The following DNAI2 variants were observed in gnomAD, a reference collection of about 807,000 sequenced individuals.
DNAI2 encodes the protein dynein, axonemal, intermediate polypeptide 2.
Under a neutral mutation model 74.7 loss-of-function variants are expected in DNAI2, and 63 were observed. The ratio of observed to expected loss-of-function variants is 0.84; its 90% confidence interval spans 0.69 to 1.04. The LOEUF is 1.04. Among genes scored for constraint, DNAI2 ranks in the 50% least tolerant of loss-of-function variants. The pLI, the probability that DNAI2 is intolerant of heterozygous loss-of-function variation, is 0.00. For synonymous variants in DNAI2, 289 were observed against 314.9 expected (o/e 0.92, Z 0.87); for missense variants, 688 against 803.2 (o/e 0.86, Z 1.73).
At chr17:74,311,977 G>GGT (rs1398676197) in intron 11 of DNAI2, 26 bp from the exon 12 acceptor site, 5 of 1,609,654 alleles carry the variant, frequency 3.1e-6, no homozygotes, top group Non-Finnish European at 4.2e-6. Context: ...CTCCCCACCG[G>GGT]GCTCTCTCTG....
intron 6 of DNAI2, among the ~76,000 whole-genome samples, chr17:74,298,805 G>A (rs1378755535): frequency 6.6e-6 from 1 of 152,086 alleles, no homozygotes; most frequent in Non-Finnish European, 1.5e-5. Flanking sequence ...TAAATTTTTT[G>A]TAGAGACGGG....
intron 9 of DNAI2, among the ~76,000 whole-genome samples, chr17:74,307,645 A>G (rs1274561563): frequency 2.6e-5 from 4 of 152,168 alleles, no homozygotes; most frequent in Admixed American, 2.0e-4. Context: ...CCTGGGCGAC[A>G]GAGTGAGACT....
chr17:74,310,936 A>G (rs998597309), intron 11 of DNAI2, among the ~76,000 whole-genome samples: 2 of 152,104 alleles, frequency 1.3e-5, no homozygotes, highest in African/African-American at 2.4e-5. Flanking sequence ...GTGCAGTGGC[A>G]CAATCATGGC....
At chr17:74,302,314 T>C (rs1421453204) in intron 8 of DNAI2, among the ~76,000 whole-genome samples, 2 of 152,144 alleles carry the variant, frequency 1.3e-5, no homozygotes, top group Non-Finnish European at 2.9e-5. Context: ...ACACCTGTAA[T>C]CCCAGCACTT....
At chr17:74,309,181 G>T in intron 9 of DNAI2, 72 bp from the exon 10 acceptor site, 1 of 1,570,226 alleles carries the variant, frequency 6.4e-7, no homozygotes, top group East Asian at 2.3e-5. Context: ...GAGCCCAGAA[G>T]GGACCAAGTG....
rs1251822840 is a variant in DNAI2 at position 74,299,854 on chromosome 17, G to C, written c.861G>C (p.Gly287=). Residue 287 remains glycine (G), a synonymous_variant, in exon 7 of 14, where the codon GGG becomes GGC. Coordinates refer to ENST00000311014, the MANE Select transcript of DNAI2 (RefSeq NM_023036.6). ...AGTGCTTCTCAGCTTCCACGGATGG[G>C]CAGGTACCCACCAGCCAGACACTGG... ...GTECFSASTD[G]QVMWWDIRKM... The C allele has an allele frequency of 1.9e-6, 3 of 1,613,430 alleles. No homozygotes were observed. Among genetic ancestry groups the C allele is most frequent in the Non-Finnish European group, 2.5e-6 (3 of 1,180,008 alleles).
rs202170345 is a variant in DNAI2 at position 74,307,702 on chromosome 17, TTA to T, written c.1212-1550_1212-1549del. ...TTTGGCACTTAGTTAAATCTGAATT[TTA>T]AAAAAAAAAACTATTTTTTTTTTAG... On this transcript the variant is annotated intron_variant, in intron 9 of 13. Coordinates refer to ENST00000311014, the MANE Select transcript of DNAI2 (RefSeq NM_023036.6). Among the ~76,000 whole-genome samples, 548 of 148,716 alleles carry T rather than the reference TTA, an allele frequency of 3.7e-3. 5 individuals are homozygous for T. The highest frequency in any genetic ancestry group is 0.013 in the African/African-American group (518 of 38,426).
In DNAI2 at chr17:74,305,306, A is replaced by G; in HGVS notation, c.1075A>G (p.Thr359Ala). 1 of 1,614,124 alleles carries G rather than the reference A, an allele frequency of 6.2e-7. No homozygotes were observed. ...AKTSAEKIVCTFPGHHGPIYA... is the reference protein window; with the variant it reads ...AKTSAEKIVCAFPGHHGPIYA... ...GACGTCAGCTGAAAAGATTGTGTGCACCTTCCCGGGCCATCATGGCCCCAT... is the reference window on the plus strand; with the variant it reads ...GACGTCAGCTGAAAAGATTGTGTGCGCCTTCCCGGGCCATCATGGCCCCAT... Residue 359 changes from threonine (T) to alanine (A), a missense_variant, in exon 9 of 14, where the codon ACC becomes GCC. By Grantham distance (58) the Thr-to-Ala change is moderately conservative (BLOSUM62 0). Transcript: ENST00000311014.
intron 6 of DNAI2, among the ~76,000 whole-genome samples, chr17:74,297,191 T>G (rs556919699): frequency 6.6e-6 from 1 of 152,204 alleles, no homozygotes; most frequent in South Asian, 2.1e-4. Flanking sequence ...GTTCATGCCA[T>G]TCTCCTGCCT....
chr17:74,287,106 C>CAT lies in DNAI2; in HGVS notation c.467+10_467+11dup. On this transcript the variant is annotated intron_variant, in intron 4 of 13. Coordinates refer to ENST00000311014, the MANE Select transcript of DNAI2 (RefSeq NM_023036.6). ...AACCATCAATGTGTTCAGGTAGCGC[C>CAT]ATAGCCAGGCAGGTGTCTGGCCACC... 1 of 1,613,554 alleles carries CAT rather than the reference C, an allele frequency of 6.2e-7. No homozygotes were observed. Among genetic ancestry groups the CAT allele is most frequent in the South Asian group, 1.1e-5 (1 of 90,978 alleles).
intron 13 of DNAI2, 85 bp from the exon 14 acceptor site, chr17:74,314,504 C>A: frequency 2.4e-6 from 1 of 416,024 alleles, no homozygotes; most frequent in East Asian, 5.4e-5. Context: ...AAGGCCGAGG[C>A]CACCTTAGTC....
intron 6 of DNAI2, among the ~76,000 whole-genome samples, chr17:74,296,118 T>TGGACACA (rs1294320705): frequency 6.6e-6 from 1 of 152,200 alleles, no homozygotes; most frequent in African/African-American, 2.4e-5. Context: ...GTCAGATCTT[T>TGGACACA]TCAAAGCCCT....
intron 1 of DNAI2, among the ~76,000 whole-genome samples, chr17:74,276,490 G>A (rs971630861): frequency 6.6e-6 from 1 of 152,150 alleles, no homozygotes; most frequent in Non-Finnish European, 1.5e-5. Context: ...CCACCCTCTA[G>A]CACTAGTCTC....
chr17:74,302,122 A>AAGGAAGGAAG (rs2052892517), intron 8 of DNAI2, among the ~76,000 whole-genome samples: 1 of 144,334 alleles, frequency 6.9e-6, no homozygotes, highest in Non-Finnish European at 1.5e-5. Flanking sequence ...AAGGAAGGAA[A>AAGGAAGGAAG]GAAAAAGAAG....
intron 1 of DNAI2, 59 bp downstream of exon 1, chr17:74,274,404 G>C (rs1440092889): frequency 6.6e-6 from 1 of 152,222 alleles, no homozygotes; most frequent in African/African-American, 2.4e-5. Flanking sequence ...AGAGTGACAG[G>C]GAGAGACTTA....
chr17:74,309,584 G>T, intron 10 of DNAI2, 196 bp downstream of exon 10: 1 of 782,990 alleles, frequency 1.3e-6, no homozygotes. Flanking sequence ...AGGGGCCTGG[G>T]GGATTTGGCA....
In DNAI2 at chr17:74,286,710, C is replaced by G. The variant is rs145468414; in HGVS notation, c.346-267C>G. On this transcript the variant is annotated intron_variant, in intron 3 of 13. Transcript: ENST00000311014. ...AAAGTGCTGGGATTACAGGCGTGAG[C>G]CACCGCACCCAGCCCATCAAATGTT... Among the ~76,000 whole-genome samples, 2,117 of 152,330 alleles carry G rather than the reference C, an allele frequency of 0.014. 48 individuals are homozygous for G. The highest frequency in any genetic ancestry group is 0.048 in the African/African-American group (2,007 of 41,564).
chr17:74,295,481 C>T (rs1162395277), intron 6 of DNAI2, among the ~76,000 whole-genome samples: 1 of 152,108 alleles, frequency 6.6e-6, no homozygotes, highest in Non-Finnish European at 1.5e-5. Context: ...TTCTTTAGTT[C>T]TTTTGATGTG....
intron 1 of DNAI2, among the ~76,000 whole-genome samples, chr17:74,274,806 T>G (rs1018345215): frequency 6.6e-6 from 1 of 152,088 alleles, no homozygotes; most frequent in African/African-American, 2.4e-5. Flanking sequence ...TGGCAGGTGT[T>G]TTAAGTGCTT....
Sources: allele counts gnomAD v4.1 joint callset (sites outside exome capture counted in the v4.1 genomes callset), GRCh38; gene constraint gnomAD v4.1.1; transcripts MANE v1.5; gene names NCBI Gene and HGNC (gene_info 2026-07-23, HGNC 2026-07-21).